The following ZNF837 variants were observed in gnomAD, a reference collection of about 807,000 sequenced individuals.
ZNF837 encodes zinc finger protein 837.
For synonymous variants in ZNF837, 475 were observed against 365.2 expected, an observed-to-expected ratio of 1.30 and a Z score of -3.43; for missense variants, 955 against 801.7, an observed-to-expected ratio of 1.19 and a Z score of -2.31.
intron 2 of ZNF837, 83 bp downstream of exon 2, chr19:58,369,736 G>A (rs1445123643): frequency 6.1e-6 from 1 of 164,812 alleles, no homozygotes; most frequent in Non-Finnish European, 1.3e-5. Flanking sequence ...CCGTTTCTCA[G>A]TGGCAAGCCG....
chr19:58,376,422 G>A (rs1310516466), intron 1 of ZNF837, among the ~76,000 whole-genome samples: 1 of 151,136 alleles, frequency 6.6e-6, no homozygotes, highest in African/African-American at 2.4e-5. Flanking sequence ...GGGTGTGGTG[G>A]CAGGCGCCTG....
chr19:58,370,022 C>G (rs1298774155), intron 1 of ZNF837, 94 bp from the exon 2 acceptor site: 2 of 152,238 alleles, frequency 1.3e-5, no homozygotes, highest in Admixed American at 6.5e-5. Context: ...TTAGCAACGC[C>G]TGGCGCCTGC....
Position 58,368,124 on chromosome 19 carries a change from G to A in ZNF837, c.1209C>T (p.Arg403=). 1.3e-6 allele frequency: 2 copies of A among 1,581,286 alleles called. No individual in the cohort carries two copies. Among genetic ancestry groups the A allele is most frequent in the Non-Finnish European group, 1.7e-6 (2 of 1,165,546 alleles). Residue 403 remains arginine, a synonymous_variant, in exon 3 of 3, where the codon CGC becomes CGT. Coordinates refer to ENST00000597582, the MANE Select transcript of ZNF837 (RefSeq NM_138466.2). ...CPECGKAFNQ[R]SNLSRHQRTH... ...TGCGCTGGTGCCGGCTCAGGTTCGA[G>A]CGCTGGTTGAAGGCCTTGCCGCACT...
At chr19:58,373,736 G>C (rs1307457967) in intron 1 of ZNF837, among the ~76,000 whole-genome samples, 2 of 152,244 alleles carry the variant, frequency 1.3e-5, no homozygotes, top group East Asian at 3.8e-4. Context: ...CCAACAGCAG[G>C]TGGACATGAA....
intron 1 of ZNF837, among the ~76,000 whole-genome samples, chr19:58,376,339 T>C (rs1599926841): frequency 6.6e-6 from 1 of 151,162 alleles, no homozygotes; most frequent in East Asian, 2.0e-4. Context: ...GATCACGAGG[T>C]CAAGAGATCG....
chr19:58,368,160 G>A lies in ZNF837; in HGVS notation c.1173C>T (p.Tyr391=), dbSNP rs778115733. The change falls in exon 3 of 3, where the codon TAC becomes TAT. Residue 391 remains tyrosine, a synonymous_variant. Transcript: ENST00000597582. The stretch of plus-strand genomic sequence containing the variant: ...AGGCCTTGCCGCACTCGGGGCACGC[G>A]TAGGGCTTCTCGCCGGTGTGCACGC... ...HRRVHTGEKP[Y]ACPECGKAFN... 1.3e-6 allele frequency: 2 copies of A among 1,587,710 alleles called. No individual in the cohort carries two copies. Among genetic ancestry groups the A allele is most frequent in the South Asian group, 1.1e-5 (1 of 88,288 alleles).
chr19:58,374,523 T>A (rs2052225918), intron 1 of ZNF837, among the ~76,000 whole-genome samples: 1 of 151,956 alleles, frequency 6.6e-6, no homozygotes, highest in African/African-American at 2.4e-5. Flanking sequence ...CGCCAGGGGC[T>A]GAGGGGAAAG....
chr19:58,369,408 A>G (rs779418296), intron 2 of ZNF837, 47 bp from the exon 3 acceptor site: 57 of 1,313,116 alleles, frequency 4.3e-5, no homozygotes, highest in Non-Finnish European at 5.1e-5. Context: ...CCAGGAGGAG[A>G]GAAGTGGAGA....
At chr19:58,372,432 C>T (rs2052210231) in intron 1 of ZNF837, among the ~76,000 whole-genome samples, 1 of 126,798 alleles carries the variant, frequency 7.9e-6, no homozygotes, top group Admixed American at 7.6e-5. Context: ...CTTGGGGAGT[C>T]CGGGGGGGGC....
chr19:58,380,185 C>T (rs1257230485), intron 1 of ZNF837, among the ~76,000 whole-genome samples: 2 of 152,210 alleles, frequency 1.3e-5, no homozygotes, highest in African/African-American at 2.4e-5. Flanking sequence ...TCCAATTCTA[C>T]ACTGTGCACG....
chr19:58,368,049 G>C lies in ZNF837; in HGVS notation c.1284C>G (p.Phe428Leu). The C allele has an allele frequency of 1.3e-6, 2 of 1,540,310 alleles. No individual in the cohort carries two copies. Among genetic ancestry groups the C allele is most frequent in the Non-Finnish European group, 1.7e-6 (2 of 1,147,028 alleles). The change falls in exon 3 of 3, where the codon TTC (phenylalanine) becomes TTG (leucine). Residue 428 changes from phenylalanine (F) to leucine (L), a missense_variant. By Grantham distance (22) the Phe-to-Leu change is conservative. Transcript: ENST00000597582. ...PYACPLCEKA[F>L]KGRSGLVQHQ... ...GTTGCACCAGGCCCGAGCGGCCCTT[G>C]AAGGCCTTTTCGCACAGTGGGCACG...
chr19:58,371,953 C>T (rs2052205932), intron 1 of ZNF837, among the ~76,000 whole-genome samples: 1 of 152,060 alleles, frequency 6.6e-6, no homozygotes, highest in South Asian at 2.1e-4. Flanking sequence ...GAACTCCTGA[C>T]CTTGTGATCT....
At chr19:58,373,763 C>A (rs1239568444) in intron 1 of ZNF837, among the ~76,000 whole-genome samples, 1 of 152,238 alleles carries the variant, frequency 6.6e-6, no homozygotes, top group African/African-American at 2.4e-5. Context: ...CCACAGACAC[C>A]AGAGTAGAGG....
In ZNF837 at chr19:58,368,006, CGGTGTGCGCGCGCT is replaced by C. The variant is rs1303083712; in HGVS notation, c.1313_1326del (p.Gln438ArgfsTer120). On this transcript the variant is annotated frameshift_variant, in exon 3 of 3. Transcript: ENST00000597582. LOFTEE classifies it low-confidence loss of function (END_TRUNC). ...TCGGAGCAGCCATAGGGCCGCTCGCCGGTGTGCGCGCGCTGGTGTTGCACCAGGCCCGAGCGGCC... is the reference window on the plus strand; with the variant it reads ...TCGGAGCAGCCATAGGGCCGCTCGCCGGTGTTGCACCAGGCCCGAGCGGCC... 10 of 1,532,624 alleles carry C rather than the reference CGGTGTGCGCGCGCT, an allele frequency of 6.5e-6. No individual in the cohort carries two copies. The highest frequency in any genetic ancestry group is 2.0e-5 in the Admixed American group (1 of 50,308). 94.9% of individuals were successfully genotyped at this position (1,532,624 alleles called of 1,614,324 possible).
intron 1 of ZNF837, among the ~76,000 whole-genome samples, chr19:58,375,641 T>G (rs1297771730): frequency 6.6e-6 from 1 of 151,520 alleles, no homozygotes; most frequent in Non-Finnish European, 1.5e-5. Flanking sequence ...GGAGATGGGA[T>G]TTCACCATGT....
chr19:58,375,737 C>T (rs937229616), intron 1 of ZNF837, among the ~76,000 whole-genome samples: 5 of 149,222 alleles, frequency 3.4e-5, no homozygotes, highest in East Asian at 3.9e-4. Flanking sequence ...TGAGCCACCT[C>T]GCCCAGCTGA....
intron 1 of ZNF837, among the ~76,000 whole-genome samples, chr19:58,370,696 G>A (rs373848141): frequency 1.3e-5 from 2 of 150,620 alleles, no homozygotes; most frequent in East Asian, 2.0e-4. Context: ...AGGAGTTTGA[G>A]ACCAGCCTGA....
rs746423104 is a variant in ZNF837, at chr19:58,368,447, C to G, written c.886G>C (p.Glu296Gln). 6.4e-7 allele frequency: 1 copy of G among 1,566,110 alleles called. No individual in the cohort carries two copies. Among genetic ancestry groups the G allele is most frequent in the South Asian group, 1.2e-5 (1 of 85,618 alleles). ...LLQHQRIHTG[E>Q]RPYECAECGK... Reference sequence around the variant, plus strand: ...CACTCGGCGCACTCGTAGGGCCGCTCGCCCGTGTGGATGCGCTGGTGCTGC... The same window carrying G: ...CACTCGGCGCACTCGTAGGGCCGCTGGCCCGTGTGGATGCGCTGGTGCTGC... Residue 296 changes from glutamate to glutamine, a missense_variant, in exon 3 of 3, where the codon GAG becomes CAG. Coordinates refer to ENST00000597582, the MANE Select transcript of ZNF837 (RefSeq NM_138466.2).
At position 58,368,064 on chromosome 19, in the gene ZNF837, C is replaced by T. The variant is rs760931953; in HGVS notation, c.1269G>A (p.Leu423=). The part of the protein sequence containing the change: ...HSSAKPYACP[L]CEKAFKGRSG... ...AGCGGCCCTTGAAGGCCTTTTCGCA[C>T]AGTGGGCACGCGTAGGGCTTGGCGC... The change falls in exon 3 of 3, where the codon CTG becomes CTA. Residue 423 remains leucine (L), a synonymous_variant. Transcript: ENST00000597582. 5.2e-6 allele frequency: 8 copies of T among 1,542,460 alleles called. No individual in the cohort carries two copies. The highest frequency in any genetic ancestry group is 4.7e-5 in the South Asian group (4 of 84,402).
Sources: allele counts gnomAD v4.1 joint callset (sites outside exome capture counted in the v4.1 genomes callset), GRCh38; gene constraint gnomAD v4.1.1; transcripts MANE v1.5; gene names NCBI Gene and HGNC (gene_info 2026-07-23, HGNC 2026-07-21).